Variants in CFAP53 observed in about 807,000 individuals in gnomAD.
CFAP53 encodes the protein cilia- and flagella-associated protein 53.
In CFAP53, 62 loss-of-function variants were observed where a neutral mutation model predicts 59.7. The ratio of observed to expected loss-of-function variants is 1.04; its 90% confidence interval spans 0.85 to 1.28. The LOEUF is 1.28. CFAP53 is among the 50% of genes most tolerant of loss of function. CFAP53 has a pLI of 0.00. For missense variants in CFAP53, 629 were observed against 615.6 expected (o/e 1.02, Z -0.23); for synonymous variants, 218 against 205.7 (o/e 1.06, Z -0.51).
intron 2 of CFAP53, among the ~76,000 whole-genome samples, chr18:50,261,750 CAA>C (rs2033896090): frequency 6.6e-6 from 1 of 151,878 alleles, no homozygotes; most frequent in Non-Finnish European, 1.5e-5. Context: ...ATATTTTTAA[CAA>C]AAGAGTAAAA....
At chr18:50,256,632 G>C (rs1473889819) in intron 3 of CFAP53, among the ~76,000 whole-genome samples, 2 of 151,962 alleles carry the variant, frequency 1.3e-5, no homozygotes, top group African/African-American at 4.8e-5. Context: ...CACTGCAATG[G>C]CTTACTTCTC....
intron 6 of CFAP53, 89 bp downstream of exon 6, chr18:50,242,811 A>G (rs2033703555): frequency 9.3e-7 from 1 of 1,077,122 alleles, no homozygotes; most frequent in Non-Finnish European, 1.4e-6. Context: ...GGTGTTTTAC[A>G]TAATAAGTAT....
intron 7 of CFAP53, among the ~76,000 whole-genome samples, chr18:50,230,842 T>A (rs557326398): frequency 6.6e-6 from 1 of 152,160 alleles, no homozygotes. Context: ...ATAAAGATAA[T>A]AGAATTTTAT....
chr18:50,260,979 A>C, intron 3 of CFAP53, 85 bp downstream of exon 3: 1 of 1,350,142 alleles, frequency 7.4e-7, no homozygotes, highest in Non-Finnish European at 1.0e-6. Context: ...TCCTCTTAAG[A>C]CTAATTTACT....
At chr18:50,227,692 T>G in intron 7 of CFAP53, 83 bp from the exon 8 acceptor site, 1 of 1,096,538 alleles carries the variant, frequency 9.1e-7, no homozygotes, top group Non-Finnish European at 1.3e-6. Flanking sequence ...AAAATATAAT[T>G]TGTAAAGTCA....
At chr18:50,228,729 T>A (rs1191340460) in intron 7 of CFAP53, among the ~76,000 whole-genome samples, 4 of 152,110 alleles carry the variant, frequency 2.6e-5, no homozygotes, top group Non-Finnish European at 5.9e-5. Flanking sequence ...AGGCGGAGGT[T>A]GCAGTGAGCC....
At chr18:50,230,976 C>T (rs892213601) in intron 7 of CFAP53, among the ~76,000 whole-genome samples, 2 of 152,182 alleles carry the variant, frequency 1.3e-5, no homozygotes, top group Non-Finnish European at 2.9e-5. Context: ...CTGGCGGAAC[C>T]AGGATAAAGC....
intron 7 of CFAP53, 77 bp downstream of exon 7, chr18:50,238,526 A>G (rs1455447280): frequency 2.3e-6 from 2 of 885,810 alleles, no homozygotes; most frequent in East Asian, 5.2e-5. Flanking sequence ...TACTGGGATT[A>G]CAGGTGTGAG....
At chr18:50,258,060 TA>T in intron 3 of CFAP53, among the ~76,000 whole-genome samples, 1 of 151,632 alleles carries the variant, frequency 6.6e-6, no homozygotes, top group Non-Finnish European at 1.5e-5. Context: ...TGTCTCAAAA[TA>T]AAATGAAATA....
At chr18:50,230,706 G>A (rs2144400036) in intron 7 of CFAP53, among the ~76,000 whole-genome samples, 1 of 152,204 alleles carries the variant, frequency 6.6e-6, no homozygotes, top group South Asian at 2.1e-4. Flanking sequence ...TACCCTGAGG[G>A]GTCTATACTA....
chr18:50,236,641 A>T (rs1428805236), intron 7 of CFAP53, among the ~76,000 whole-genome samples: 1 of 152,186 alleles, frequency 6.6e-6, no homozygotes, highest in Non-Finnish European at 1.5e-5. Context: ...TCCAGGTGAC[A>T]ACTAAAACTC....
At chr18:50,251,449 A>T (rs1295518024) in intron 4 of CFAP53, 32 bp downstream of exon 4, 1 of 1,585,098 alleles carries the variant, frequency 6.3e-7, no homozygotes, top group Non-Finnish European at 8.6e-7. Context: ...CATGGCGTTG[A>T]TCACCCTCTA....
At chr18:50,229,275 A>C (rs2033556953) in intron 7 of CFAP53, among the ~76,000 whole-genome samples, 1 of 152,076 alleles carries the variant, frequency 6.6e-6, no homozygotes, top group African/African-American at 2.4e-5. Context: ...CCACCATTCT[A>C]CTTTATGTTT....
Position 50,266,484 on chromosome 18 carries a change from A to C in CFAP53, c.-80T>G. 7 of 1,412,666 alleles carry C rather than the reference A, an allele frequency of 5.0e-6. No individual in the cohort carries two copies. The highest frequency in any genetic ancestry group is 7.0e-6 in the Non-Finnish European group (7 of 996,830). The allele number at this position is 1,412,666 out of a possible 1,614,324, so 87.5% of individuals were successfully genotyped here. On this transcript the variant is annotated 5_prime_UTR_variant, in exon 1 of 8. Coordinates refer to ENST00000398545, the MANE Select transcript of CFAP53 (RefSeq NM_145020.5). ...GCGACCTGCGGGACCCGCTTCCGCG[A>C]CGCAGAAGTCTGGTTGCCATGGTGC...
At chr18:50,266,256 G>A (rs2033972624) in intron 1 of CFAP53, 80 bp downstream of exon 1, 9 of 1,389,378 alleles carry the variant, frequency 6.5e-6, no homozygotes, top group Non-Finnish European at 8.2e-6. Flanking sequence ...CCGGGTGGGG[G>A]CCGAAGTGGG....
chr18:50,262,461 T>C (rs1362779748), intron 1 of CFAP53, among the ~76,000 whole-genome samples: 3 of 152,192 alleles, frequency 2.0e-5, no homozygotes, highest in Admixed American at 6.5e-5. Context: ...TGAAAAATAG[T>C]TGATGGAAAT....
intron 7 of CFAP53, among the ~76,000 whole-genome samples, chr18:50,232,534 T>C (rs536346061): frequency 2.6e-5 from 4 of 152,020 alleles, no homozygotes; most frequent in Non-Finnish European, 5.9e-5. Flanking sequence ...AGTGCCCCAG[T>C]GGAATAAATT....
intron 5 of CFAP53, among the ~76,000 whole-genome samples, chr18:50,244,035 C>A (rs993751790): frequency 6.6e-5 from 10 of 152,074 alleles, no homozygotes; most frequent in Non-Finnish European, 1.3e-4. Context: ...CTTTTACGTT[C>A]CCCCAGGTGA....
chr18:50,228,161 T>C (rs890457874), intron 7 of CFAP53, among the ~76,000 whole-genome samples: 1 of 151,474 alleles, frequency 6.6e-6, no homozygotes, highest in African/African-American at 2.4e-5. Flanking sequence ...GTTTCATCAT[T>C]TTGGCCAGGC....
Sources: allele counts gnomAD v4.1 joint callset (sites outside exome capture counted in the v4.1 genomes callset), GRCh38; gene constraint gnomAD v4.1.1; transcripts MANE v1.5; gene names NCBI Gene and HGNC (gene_info 2026-07-23, HGNC 2026-07-21).